The following COL4A6 variants were observed in gnomAD, a reference collection of about 807,000 sequenced individuals.
The protein encoded by COL4A6 is collagen type IV alpha 6 chain.
A neutral mutation model predicts 126.7 loss-of-function variants in COL4A6; 59 were observed. The ratio of observed to expected loss-of-function variants is 0.47; its 90% CI spans 0.38 to 0.58. The LOEUF (loss-of-function observed/expected upper bound fraction) is 0.58, where lower values mean the gene tolerates loss of function less well. Ranked by LOEUF, COL4A6 falls within the 20% of genes least tolerant of loss-of-function variation. The probability of loss-of-function intolerance (pLI) is 0.00; values close to 1 mark genes in which losing one functional copy is unlikely to be tolerated. For missense variants in COL4A6, 1,285 were observed against 1,337.3 expected, an observed-to-expected ratio of 0.96 and a Z score of 0.61; for synonymous variants, 547 against 496.6, an observed-to-expected ratio of 1.10 and a Z score of -1.35.
At chrX:108,172,134 C>T (rs1283336871) in intron 32 of COL4A6, among the ~76,000 whole-genome samples, 1 of 111,016 alleles carries the variant, frequency 9.0e-6, no homozygotes, top group African/African-American at 3.3e-5. Flanking sequence ...GGGCAGACCA[C>T]GAGGTCAGAA....
intron 2 of COL4A6, among the ~76,000 whole-genome samples, chrX:108,347,821 G>A (rs1569436790): frequency 1.8e-5 from 2 of 110,011 alleles, no homozygotes; most frequent in South Asian, 7.9e-4. Flanking sequence ...GATGGCCCCA[G>A]GACACCAGAT....
chrX:108,177,616 C>G (rs1333584971), intron 27 of COL4A6, among the ~76,000 whole-genome samples: 2 of 112,232 alleles, frequency 1.8e-5, no homozygotes, highest in East Asian at 2.8e-4. Flanking sequence ...ACGTCTTTCA[C>G]CACGCTTTAA....
intron 26 of COL4A6, 80 bp from the exon 27 acceptor site, chrX:108,178,925 TC>T (rs2034588161): frequency 9.6e-7 from 1 of 1,040,018 alleles, no homozygotes; most frequent in African/African-American, 1.9e-5. Flanking sequence ...CCAGGACTTA[TC>T]CCAGGTGCCA....
At chrX:108,345,275 G>C (rs965004549) in intron 2 of COL4A6, among the ~76,000 whole-genome samples, 2 of 111,620 alleles carry the variant, frequency 1.8e-5, no homozygotes, top group African/African-American at 6.5e-5. Context: ...AAAATGAAGA[G>C]TGGATCTTAC....
Position 108,156,723 on chromosome X carries a change from C to A in COL4A6, c.*277G>T. On this transcript the variant is annotated 3_prime_UTR_variant, in exon 45 of 45. Coordinates refer to ENST00000334504, the MANE Select transcript of COL4A6 (RefSeq NM_033641.4). ...CTAAGACAGTTGTGGCCCATCAAAT[C>A]TTTCTGAGGTAGCCATGAATAGTCA... The A allele has an allele frequency of 2.6e-6, 1 of 383,573 alleles. No individual in the cohort carries two copies. The highest frequency in any genetic ancestry group is 4.5e-6 in the Non-Finnish European group (1 of 220,864). The allele number at this position is 383,573 out of a possible 1,213,427, so 31.6% of individuals were successfully genotyped here.
In COL4A6 at chrX:108,196,534, TTCCCTTTTCTCCCTTTTC is replaced by T. The variant is rs772506311; in HGVS notation, c.862_879del (p.Glu288_Gly293del). 8.3e-7 allele frequency: 1 copy of T among 1,209,036 alleles called. No homozygotes were observed. Among genetic ancestry groups the T allele is most frequent in the Non-Finnish European group, 1.1e-6 (1 of 893,925 alleles). ...ACCCTAGGTCCTGGCAAACCAGGGA[TTCCCTTTTCTCCCTTTTC>T]TCCCTTTTCTCCAGTAGTTCCAAGG... On this transcript the variant is annotated inframe_deletion, in exon 14 of 45. Coordinates refer to ENST00000334504, the MANE Select transcript of COL4A6 (RefSeq NM_033641.4).
At chrX:108,393,278 T>A (rs1348988636) in intron 2 of COL4A6, among the ~76,000 whole-genome samples, 1 of 112,571 alleles carries the variant, frequency 8.9e-6, no homozygotes, top group Middle Eastern at 4.6e-3. Context: ...GGTATATTTA[T>A]ACATTGGAAT....
chrX:108,165,161 G>C lies in COL4A6; in HGVS notation c.3809-123C>G, dbSNP rs774910875. ...GGACAGAGAATGTTCCCTCACCATC[G>C]GTGGGGTCCTAGTGCCCAGACTTTC... is the stretch of plus-strand genomic sequence containing the variant. On this transcript the variant is annotated intron_variant, in intron 38 of 44. Coordinates refer to ENST00000334504, the MANE Select transcript of COL4A6 (RefSeq NM_033641.4). 5 of 853,769 alleles carry C rather than the reference G, an allele frequency of 5.9e-6. No homozygotes were observed. The East Asian group carries it at 9.4e-5, about 16-fold the overall frequency. The allele number at this position is 853,769 out of a possible 1,213,427, so 70.4% of individuals were successfully genotyped here.
At chrX:108,198,437 TA>T (rs1166371754) in intron 13 of COL4A6, among the ~76,000 whole-genome samples, 5 of 107,256 alleles carry the variant, frequency 4.7e-5, no homozygotes, top group African/African-American at 6.8e-5. Flanking sequence ...AATAAATATG[TA>T]AAAAAAAATG....
At chrX:108,167,198 C>A (rs1426427089) in intron 37 of COL4A6, among the ~76,000 whole-genome samples, 1 of 112,284 alleles carries the variant, frequency 8.9e-6, no homozygotes, top group Non-Finnish European at 1.9e-5. Context: ...CCAACTCAGT[C>A]CAGTGTCAAA....
chrX:108,407,315 C>A (rs111788644), intron 2 of COL4A6, among the ~76,000 whole-genome samples: 135 of 112,061 alleles, frequency 1.2e-3, no homozygotes, highest in African/African-American at 3.9e-3. Flanking sequence ...AACTGAGGAA[C>A]TGAGGAACTC....
At chrX:108,179,175 G>C (rs752131708) in intron 26 of COL4A6, 42 bp downstream of exon 26, 2 of 1,126,721 alleles carry the variant, frequency 1.8e-6, no homozygotes, top group Non-Finnish European at 2.4e-6. Context: ...TTAATATAAG[G>C]CTTTCTGTAG....
chrX:108,280,171 C>T (rs780575013), intron 3 of COL4A6, among the ~76,000 whole-genome samples: 32 of 111,060 alleles, frequency 2.9e-4, no homozygotes, highest in Admixed American at 7.6e-4. Flanking sequence ...AATAGAGACA[C>T]AAAAAACCCT....
At chrX:108,408,918 G>A (rs749958492) in intron 2 of COL4A6, among the ~76,000 whole-genome samples, 3 of 111,805 alleles carry the variant, frequency 2.7e-5, no homozygotes, top group East Asian at 5.6e-4. Context: ...CTGAGATTGC[G>A]CCATTGCACT....
At chrX:108,409,344 T>C (rs1030593511) in intron 2 of COL4A6, among the ~76,000 whole-genome samples, 2 of 112,168 alleles carry the variant, frequency 1.8e-5, no homozygotes, top group African/African-American at 6.5e-5. Context: ...AGATAGGAAG[T>C]TATTTATTAT....
intron 2 of COL4A6, among the ~76,000 whole-genome samples, chrX:108,425,746 A>ACG (rs1398367533): frequency 1.8e-5 from 2 of 109,296 alleles, no homozygotes; most frequent in Admixed American, 9.8e-5. Context: ...ACACACACAC[A>ACG]CACACACACA....
At chrX:108,157,530 T>C (rs1319031671) in intron 44 of COL4A6, among the ~76,000 whole-genome samples, 1 of 111,697 alleles carries the variant, frequency 9.0e-6, no homozygotes, top group Non-Finnish European at 1.9e-5. Context: ...AATGACTACA[T>C]GTCAAGCAGC....
chrX:108,312,822 T>C (rs1198100257), intron 2 of COL4A6, among the ~76,000 whole-genome samples: 2 of 111,487 alleles, frequency 1.8e-5, no homozygotes, highest in African/African-American at 3.3e-5. Context: ...TTCCAAACAA[T>C]GTCTGTTTGA....
chrX:108,241,999 T>G (rs1186351432), intron 3 of COL4A6, among the ~76,000 whole-genome samples: 1 of 107,010 alleles, frequency 9.3e-6, no homozygotes, highest in East Asian at 2.9e-4. Flanking sequence ...ACCAGTTTTT[T>G]TTTTTTTTTT....
Sources: allele counts gnomAD v4.1 joint callset (sites outside exome capture counted in the v4.1 genomes callset), GRCh38; gene constraint gnomAD v4.1.1; transcripts MANE v1.5; gene names NCBI Gene and HGNC (gene_info 2026-07-23, HGNC 2026-07-21).